Variants in PPARGC1A observed in about 807,000 individuals in gnomAD.
PPARGC1A encodes peroxisome proliferator-activated receptor gamma coactivator 1-alpha.
Under a neutral mutation model 88.7 loss-of-function variants are expected in PPARGC1A, and 25 were observed. The observed-to-expected ratio is 0.28, with a 90% CI of 0.21 to 0.39. The LOEUF (loss-of-function observed/expected upper bound fraction) is 0.39. Among genes scored for constraint, PPARGC1A ranks in the 10% least tolerant of loss-of-function variants. The pLI is 1.00. For synonymous variants in PPARGC1A, 363 were observed against 355.6 expected (o/e 1.02, Z -0.24); for missense variants, 880 against 968.7 (o/e 0.91, Z 1.22).
At position 23,824,523 on chromosome 4, in the gene PPARGC1A, A is replaced by T. The variant is rs1024640229; in HGVS notation, c.758-15T>A. On this transcript the variant is annotated splice_polypyrimidine_tract_variant and intron_variant, in intron 5 of 12. Transcript: ENST00000264867. ...TGTTGGTTTGGCTAAAGAAAAAAAA[A>T]AGAAACTAATTATGTAATATTGAGT... 5.7e-6 allele frequency: 9 copies of T among 1,579,706 alleles called. No individual in the cohort carries two copies. In the African/African-American group the frequency reaches 1.1e-4, roughly 19 times the overall value.
chr4:23,804,495 C>A (rs2109365510), intron 10 of PPARGC1A, among the ~76,000 whole-genome samples: 1 of 152,320 alleles, frequency 6.6e-6, no homozygotes, highest in South Asian at 2.1e-4. Context: ...CCAATCTATT[C>A]TTCCATTGTT....
the PPARGC1A span, among the ~76,000 whole-genome samples, chr4:24,041,842 G>C: frequency 6.6e-6 from 1 of 151,612 alleles, no homozygotes; most frequent in Non-Finnish European, 1.5e-5. Context: ...TGGGTAACAA[G>C]TTGTTCTTTA....
the PPARGC1A span, among the ~76,000 whole-genome samples, chr4:24,251,106 G>A: frequency 6.6e-6 from 1 of 152,166 alleles, no homozygotes. Context: ...AAAAATCATT[G>A]TTTTCCTGTG....
At chr4:23,846,664 C>G (rs571559188) in intron 2 of PPARGC1A, among the ~76,000 whole-genome samples, 1 of 152,044 alleles carries the variant, frequency 6.6e-6, no homozygotes, top group African/African-American at 2.4e-5. Flanking sequence ...TTTTGAGCAC[C>G]TAGCATGTGT....
the PPARGC1A span, among the ~76,000 whole-genome samples, chr4:24,466,982 G>T: frequency 7.0e-5 from 7 of 99,472 alleles, no homozygotes; most frequent in Non-Finnish European, 8.7e-5. Flanking sequence ...GAGAAAGAAA[G>T]AAAGGAGGGA....
At chr4:24,303,875 T>G in the PPARGC1A span, among the ~76,000 whole-genome samples, 1 of 152,230 alleles carries the variant, frequency 6.6e-6, no homozygotes, top group Non-Finnish European at 1.5e-5. Context: ...AACTCTGTAT[T>G]GCTCAAATGC....
the PPARGC1A span, among the ~76,000 whole-genome samples, chr4:24,249,952 C>G: frequency 6.6e-6 from 1 of 152,190 alleles, no homozygotes; most frequent in African/African-American, 2.4e-5. Context: ...ATTGATATCA[C>G]TCATTAACCA....
chr4:24,093,175 G>A, the PPARGC1A span, among the ~76,000 whole-genome samples: 1 of 152,174 alleles, frequency 6.6e-6, no homozygotes, highest in Non-Finnish European at 1.5e-5. Flanking sequence ...ATTTGCCTTG[G>A]TGATGAGGCC....
intron 2 of PPARGC1A, among the ~76,000 whole-genome samples, chr4:23,847,960 T>C (rs771070196): frequency 6.6e-6 from 1 of 152,074 alleles, no homozygotes; most frequent in Non-Finnish European, 1.5e-5. Flanking sequence ...GGAAGAGAAA[T>C]AGCTAAAGTG....
the PPARGC1A span, among the ~76,000 whole-genome samples, chr4:24,065,095 C>T: frequency 6.6e-6 from 1 of 152,146 alleles, no homozygotes; most frequent in Non-Finnish European, 1.5e-5. Flanking sequence ...TAGGGTAATA[C>T]TATTCCTCCA....
chr4:23,974,238 A>C, the PPARGC1A span, among the ~76,000 whole-genome samples: 2 of 152,190 alleles, frequency 1.3e-5, no homozygotes, highest in African/African-American at 4.8e-5. Flanking sequence ...CTGTTTCCGC[A>C]AACCATCTGT....
chr4:24,339,876 C>G, the PPARGC1A span, among the ~76,000 whole-genome samples: 1 of 151,760 alleles, frequency 6.6e-6, no homozygotes, highest in East Asian at 1.9e-4. Context: ...GTAGCTGGGA[C>G]TACAGGCGCC....
At chr4:24,123,834 T>C in the PPARGC1A span, among the ~76,000 whole-genome samples, 1 of 150,126 alleles carries the variant, frequency 6.7e-6, no homozygotes, top group Non-Finnish European at 1.5e-5. Flanking sequence ...TCCTAGTCTC[T>C]ATAAGCCCCA....
At chr4:24,016,599 A>G in the PPARGC1A span, among the ~76,000 whole-genome samples, 1 of 152,192 alleles carries the variant, frequency 6.6e-6, no homozygotes, top group South Asian at 2.1e-4. Context: ...AAATTGAGAC[A>G]TGATACCATG....
chr4:24,203,832 A>C, the PPARGC1A span, among the ~76,000 whole-genome samples: 1 of 152,230 alleles, frequency 6.6e-6, no homozygotes, highest in African/African-American at 2.4e-5. Flanking sequence ...TAAATTTTGG[A>C]TTACTCAGAT....
intron 10 of PPARGC1A, among the ~76,000 whole-genome samples, chr4:23,809,877 A>G (rs750727207): frequency 2.0e-5 from 3 of 151,968 alleles, no homozygotes; most frequent in Non-Finnish European, 4.4e-5. Flanking sequence ...CTCTCTGAGG[A>G]TGTTCTCCTT....
chr4:24,288,489 T>C, the PPARGC1A span, among the ~76,000 whole-genome samples: 9 of 152,334 alleles, frequency 5.9e-5, no homozygotes, highest in South Asian at 1.9e-3. Context: ...GAGTTCAAGA[T>C]GAAAGGCTCA....
the PPARGC1A span, among the ~76,000 whole-genome samples, chr4:24,106,297 A>G: frequency 8.5e-5 from 13 of 152,144 alleles, no homozygotes; most frequent in African/African-American, 3.1e-4. Context: ...TTCTATACTC[A>G]TTATAGACAC....
the PPARGC1A span, among the ~76,000 whole-genome samples, chr4:24,226,424 A>G: frequency 6.6e-6 from 1 of 152,128 alleles, no homozygotes; most frequent in East Asian, 1.9e-4. Flanking sequence ...ATTAATAAGG[A>G]GGATTAGGGA....
Sources: gnomAD v4.1 joint callset for allele counts (sites outside exome capture counted in the v4.1 genomes callset) on GRCh38, gnomAD v4.1.1 for gene constraint, MANE v1.5 for transcripts, NCBI Gene and HGNC (gene_info 2026-07-23, HGNC 2026-07-21) for gene names.